MTDH: variants seen among roughly 807,000 people sequenced by gnomAD.
The protein encoded by MTDH is metadherin, also known as protein LYRIC.
A neutral mutation model predicts 72.7 loss-of-function variants in MTDH; 34 were observed. That is an observed-to-expected ratio of 0.47 (90% CI 0.36 to 0.62). The LOEUF is 0.62. Among genes scored for constraint, MTDH ranks in the 20% least tolerant of loss-of-function variants. The pLI, the probability that MTDH is intolerant of heterozygous loss-of-function variation, is 0.00. For missense variants in MTDH, 677 were observed against 699.4 expected, an observed-to-expected ratio of 0.97 and a Z score of 0.36; for synonymous variants, 266 against 268.9, an observed-to-expected ratio of 0.99 and a Z score of 0.10.
chr8:97,670,965 T>TTG (rs1477208384), intron 2 of MTDH, among the ~76,000 whole-genome samples: 31 of 138,702 alleles, frequency 2.2e-4, no homozygotes, highest in African/African-American at 8.0e-4. Flanking sequence ...TTTTTTTTTT[T>TTG]TTTTTTTTTT....
At position 97,728,908 on chromosome 8, in the gene MTDH, C is replaced by CTT. The variant is rs566772651; in HGVS notation, c.*4250_*4251dup. The CTT allele has an allele frequency of 1.2e-3, 173 of 144,050 alleles. No individual in the cohort carries two copies. The East Asian group carries it at 0.024, about 20-fold the overall frequency. The allele number at this position is 144,050 out of a possible 1,614,324, so 8.9% of individuals were successfully genotyped here. A position where few individuals can be genotyped will look rare whatever the true frequency, so the allele number is the denominator to read the frequency against. On this transcript the variant is annotated 3_prime_UTR_variant, in exon 12 of 12. Transcript: ENST00000336273. ...GTTCCTCCCCATTCTCAACCTGTAGCTTTTTTTTTTTTTCTTTTAATGAGA... is the reference window on the plus strand; with the variant it reads ...GTTCCTCCCCATTCTCAACCTGTAGCTTTTTTTTTTTTTTTCTTTTAATGAGA...
At chr8:97,708,873 T>C (rs1814499187) in intron 8 of MTDH, among the ~76,000 whole-genome samples, 1 of 151,922 alleles carries the variant, frequency 6.6e-6, no homozygotes, top group South Asian at 2.1e-4. Context: ...GTGCTGGGAT[T>C]ACAGGCGTGA....
intron 1 of MTDH, among the ~76,000 whole-genome samples, chr8:97,654,242 G>A (rs1489975202): frequency 1.3e-5 from 2 of 152,192 alleles, no homozygotes; most frequent in Admixed American, 6.5e-5. Flanking sequence ...TGAAATTGGG[G>A]TTGAACTGTG....
At chr8:97,716,380 C>A (rs1814870328) in intron 9 of MTDH, among the ~76,000 whole-genome samples, 1 of 148,046 alleles carries the variant, frequency 6.8e-6, no homozygotes, top group Non-Finnish European at 1.5e-5. Flanking sequence ...GAGTGAAACT[C>A]CATCTTAAAA....
Position 97,724,041 on chromosome 8 carries a change from G to A in MTDH, c.1679-559G>A, listed in dbSNP as rs529442345. On this transcript the variant is annotated intron_variant, in intron 11 of 11. Coordinates refer to ENST00000336273, the MANE Select transcript of MTDH (RefSeq NM_178812.4). ...GGAGAATCGCTTGAACGCGGGAGGC[G>A]GAGGTTGTAGTGAGCCAAGATTGCG... Among the ~76,000 whole-genome samples, 7 of 152,218 alleles carry A rather than the reference G, an allele frequency of 4.6e-5. No individual in the cohort carries two copies. In the South Asian group the frequency reaches 8.3e-4, roughly 18 times the overall value.
chr8:97,668,623 C>T (rs1246133191), intron 2 of MTDH, among the ~76,000 whole-genome samples: 8 of 151,904 alleles, frequency 5.3e-5, no homozygotes, highest in African/African-American at 7.3e-5. Context: ...GGCACAATCT[C>T]GGCTCACTGC....
At chr8:97,655,421 G>T (rs1811930863) in intron 1 of MTDH, among the ~76,000 whole-genome samples, 1 of 152,212 alleles carries the variant, frequency 6.6e-6, no homozygotes, top group African/African-American at 2.4e-5. Flanking sequence ...TTACAATGCT[G>T]CCTCTAGAGC....
At chr8:97,697,130 A>AAAAAAAAAAAAAAAAAT (rs1813874804) in intron 6 of MTDH, among the ~76,000 whole-genome samples, 1 of 93,394 alleles carries the variant, frequency 1.1e-5, no homozygotes, top group Non-Finnish European at 1.9e-5. Context: ...AAAAAAAAAA[A>AAAAAAAAAAAAAAAAAT]TATATATATA....
chr8:97,723,139 C>T, intron 11 of MTDH, 104 bp downstream of exon 11: 1 of 1,229,446 alleles, frequency 8.1e-7, no homozygotes, highest in South Asian at 1.7e-5. Context: ...TGGCTCACGC[C>T]TGTAATCCCA....
intron 7 of MTDH, among the ~76,000 whole-genome samples, chr8:97,700,889 C>T (rs117236527): frequency 8.6e-5 from 13 of 151,992 alleles, no homozygotes; most frequent in African/African-American, 2.2e-4. Context: ...GGTAAGCTGG[C>T]GACACAGTGG....
At chr8:97,717,376 TC>T (rs1305510415) in intron 9 of MTDH, among the ~76,000 whole-genome samples, 3 of 152,240 alleles carry the variant, frequency 2.0e-5, no homozygotes, top group Non-Finnish European at 4.4e-5. Context: ...TATAATGTGC[TC>T]TAGAATTATT....
At chr8:97,677,413 C>G (rs910069530) in intron 2 of MTDH, among the ~76,000 whole-genome samples, 2 of 150,912 alleles carry the variant, frequency 1.3e-5, no homozygotes, top group African/African-American at 4.9e-5. Context: ...ATTCCTTGAA[C>G]CTGGGAGGCG....
In MTDH at chr8:97,699,737, T is replaced by C; in HGVS notation, c.1049-17T>C. 5 of 1,511,832 alleles carry C rather than the reference T, an allele frequency of 3.3e-6. No individual in the cohort carries two copies. The highest frequency in any genetic ancestry group is 4.6e-6 in the Non-Finnish European group (5 of 1,088,422). The allele number at this position is 1,511,832 out of a possible 1,614,324, so 93.7% of individuals were successfully genotyped here. ...AAATTCCATTTTTAATTTTATTGCA[T>C]TCGTTTTTCATTTAAGGGTCTACTG... On this transcript the variant is annotated splice_polypyrimidine_tract_variant and intron_variant, in intron 6 of 11. Transcript: ENST00000336273.
chr8:97,684,083 A>T (rs994266746), intron 2 of MTDH, among the ~76,000 whole-genome samples: 1 of 149,544 alleles, frequency 6.7e-6, no homozygotes, highest in African/African-American at 2.5e-5. Flanking sequence ...GTTGCGGTGA[A>T]CTGAGATCGC....
chr8:97,713,771 T>TA lies in MTDH; in HGVS notation c.1380+6dup. The stretch of plus-strand genomic sequence containing the variant: ...GGTGAAGATAACTCTACTGCACAGG[T>TA]AAAATGTCAGAACAACAAGCATTCA... On this transcript the variant is annotated splice_region_variant and intron_variant, in intron 9 of 11. Coordinates refer to ENST00000336273, the MANE Select transcript of MTDH (RefSeq NM_178812.4). 6.5e-7 allele frequency: 1 copy of TA among 1,538,174 alleles called. No individual in the cohort carries two copies. Among genetic ancestry groups the TA allele is most frequent in the Non-Finnish European group, 8.8e-7 (1 of 1,139,040 alleles).
At chr8:97,670,579 G>A (rs948979127) in intron 2 of MTDH, among the ~76,000 whole-genome samples, 9 of 152,188 alleles carry the variant, frequency 5.9e-5, no homozygotes, top group Non-Finnish European at 1.2e-4. Context: ...AGCTGAGATC[G>A]TGCCACTGCA....
Position 97,687,572 on chromosome 8 carries a change from G to T in MTDH, c.712G>T (p.Ala238Ser), listed in dbSNP as rs1245743010. The stretch of plus-strand genomic sequence containing the variant: ...AGTTACCACCGAGCAACTTACAACC[G>T]CATCATTTCCTGTTGGTTCCAAGAA... ...ITVTTEQLTT[A>S]SFPVGSKKNK... The change falls in exon 4 of 12, where the codon GCA (alanine) becomes TCA (serine). Residue 238 changes from alanine (A) to serine (S), a missense_variant. Physicochemically the swap from Ala to Ser is moderately conservative, Grantham distance 99. Transcript: ENST00000336273. The T allele has an allele frequency of 1.5e-5, 24 of 1,607,618 alleles. No homozygotes were observed. Among genetic ancestry groups the T allele is most frequent in the Non-Finnish European group, 2.0e-5 (23 of 1,177,198 alleles).
At position 97,725,255 on chromosome 8, in the gene MTDH, T is replaced by C. The variant is rs1052352910; in HGVS notation, c.*585T>C. ...TTAGTTTACAATTTTTAAAAAGTTC[T>C]TAAAATACTGAAAATGCAGTTGACA... On this transcript the variant is annotated 3_prime_UTR_variant, in exon 12 of 12. Coordinates refer to ENST00000336273, the MANE Select transcript of MTDH (RefSeq NM_178812.4). The C allele has an allele frequency of 2.0e-5, 3 of 152,666 alleles. No homozygotes were observed. The highest frequency in any genetic ancestry group is 4.8e-5 in the African/African-American group (2 of 41,474). The allele number at this position is 152,666 out of a possible 1,614,324, so 9.5% of individuals were successfully genotyped here.
At chr8:97,660,054 G>A (rs372075645) in intron 1 of MTDH, among the ~76,000 whole-genome samples, 1 of 152,200 alleles carries the variant, frequency 6.6e-6, no homozygotes, top group African/African-American at 2.4e-5. Context: ...AGCTACTCAG[G>A]AGGCTGAGGC....
Sources: gnomAD v4.1 joint callset for allele counts (sites outside exome capture counted in the v4.1 genomes callset) on GRCh38, gnomAD v4.1.1 for gene constraint, MANE v1.5 for transcripts, NCBI Gene and HGNC (gene_info 2026-07-23, HGNC 2026-07-21) for gene names.